The following KLHDC3 variants were observed in gnomAD, a reference collection of about 807,000 sequenced individuals.
KLHDC3 encodes the protein kelch domain-containing protein 3.
A neutral mutation model predicts 44.1 loss-of-function variants in KLHDC3; 5 were observed. The ratio of observed to expected loss-of-function variants is 0.11; its 90% confidence interval spans 0.06 to 0.24. KLHDC3 has a LOEUF of 0.24. KLHDC3 is among the 10% of genes least tolerant of loss of function. The pLI is 1.00. For missense variants in KLHDC3, 247 were observed against 514.3 expected (o/e 0.48, Z 5.03); for synonymous variants, 170 against 189.0 (o/e 0.90, Z 0.82).
At position 43,014,283 on chromosome 6, in the gene KLHDC3, G is replaced by T; in HGVS notation, c.-125G>T. The stretch of plus-strand genomic sequence containing the variant: ...GTTGGGGACTAAGGCGTCGGTTGGC[G>T]CGCAACGGGTTCTAGGCTGCAGGCA... On this transcript the variant is annotated 5_prime_UTR_variant, in exon 1 of 11. Transcript: ENST00000326974. The T allele has an allele frequency of 1.3e-6, 1 of 772,522 alleles. No individual in the cohort carries two copies. Among genetic ancestry groups the T allele is most frequent in the Non-Finnish European group, 2.0e-6 (1 of 497,490 alleles). 47.9% of individuals were successfully genotyped at this position (772,522 alleles called of 1,614,324 possible). A position where few individuals can be genotyped will look rare whatever the true frequency, so the allele number is the denominator to read the frequency against.
intron 1 of KLHDC3, chr6:43,014,651 G>C (rs767433606): frequency 2.2e-6 from 1 of 456,332 alleles, no homozygotes; most frequent in Non-Finnish European, 4.4e-6. Context: ...TGGTGGGCTA[G>C]GGGAGGCCGG....
chr6:43,019,191 T>C (rs1762640760), intron 9 of KLHDC3, 26 bp downstream of exon 9: 2 of 1,573,024 alleles, frequency 1.3e-6, no homozygotes, highest in Non-Finnish European at 1.8e-6. Flanking sequence ...CCTGAATTGC[T>C]CCTGCCATCA....
At position 43,018,571 on chromosome 6, in the gene KLHDC3, C is replaced by T. The variant is rs1228936469; in HGVS notation, c.733+15C>T. ...CCACTCGGCCTGTGAGTGTTTGTTA[C>T]TTCCCTGTGGAGTTCCCTTCCTGCC... is the stretch of plus-strand genomic sequence containing the variant. On this transcript the variant is annotated intron_variant, in intron 6 of 10. Transcript: ENST00000326974. The surrounding 1 kb of genome is among the most constrained non-coding windows in gnomAD (Gnocchi z 6.0). 14 of 1,613,488 alleles carry T rather than the reference C, an allele frequency of 8.7e-6. No homozygotes were observed. Among genetic ancestry groups the T allele is most frequent in the Non-Finnish European group, 1.2e-5 (14 of 1,179,574 alleles).
At position 43,018,309 on chromosome 6, in the gene KLHDC3, C is replaced by A; in HGVS notation, c.520-34C>A. 1 of 1,597,148 alleles carries A rather than the reference C, an allele frequency of 6.3e-7. No individual in the cohort carries two copies. Among genetic ancestry groups the A allele is most frequent in the Non-Finnish European group, 8.6e-7 (1 of 1,165,418 alleles). On this transcript the variant is annotated intron_variant, in intron 5 of 10. Coordinates refer to ENST00000326974, the MANE Select transcript of KLHDC3 (RefSeq NM_057161.4). The surrounding 1 kb of genome is among the most constrained non-coding windows in gnomAD (Gnocchi z 6.0). ...AGGAGATCCTCTTCCAGTCTTTGTG[C>A]TGACCCCTCCACCATCTCTCTGCCT...
chr6:43,017,104 G>T lies in KLHDC3; in HGVS notation c.-59-30G>T. On this transcript the variant is annotated intron_variant, in intron 1 of 10. Coordinates refer to ENST00000326974, the MANE Select transcript of KLHDC3 (RefSeq NM_057161.4). The surrounding 1 kb of genome is among the most constrained non-coding windows in gnomAD (Gnocchi z 6.0). ...AGTGAGCTGGGCAGAAGCCTCGCCT[G>T]AGGATCCCGTGGCCCCAATTTGTGT... 2 of 1,469,124 alleles carry T rather than the reference G, an allele frequency of 1.4e-6. No individual in the cohort carries two copies. The highest frequency in any genetic ancestry group is 9.3e-7 in the Non-Finnish European group (1 of 1,080,736). 91.0% of individuals were successfully genotyped at this position (1,469,124 alleles called of 1,614,324 possible).
At position 43,017,157 on chromosome 6, in the gene KLHDC3, C is replaced by T. The variant is rs529749381; in HGVS notation, c.-36C>T. The T allele has an allele frequency of 1.5e-5, 24 of 1,596,968 alleles. No homozygotes were observed. The highest frequency in any genetic ancestry group is 5.3e-5 in the African/African-American group (4 of 74,854). ...AGATAGCAGAGGCAGCAGGCCGTGC[C>T]GGGGGGGCATGTTGCTGTAACCAGT... is the stretch of plus-strand genomic sequence containing the variant. On this transcript the variant is annotated 5_prime_UTR_variant, in exon 2 of 11. Transcript: ENST00000326974. This position sits in a 1 kb window ranked among gnomAD's most constrained non-coding sequence, Gnocchi z 6.0.
intron 1 of KLHDC3, among the ~76,000 whole-genome samples, chr6:43,015,139 A>G (rs911346619): frequency 2.0e-5 from 3 of 152,202 alleles, no homozygotes; most frequent in African/African-American, 7.2e-5. Context: ...GAAGACTTCC[A>G]TTCTTAAGCC....
rs750093582 is a variant in KLHDC3 at position 43,018,680 on chromosome 6, C to G, written c.781C>G (p.Leu261Val). The G allele has an allele frequency of 6.2e-7, 1 of 1,613,968 alleles. No individual in the cohort carries two copies. Among genetic ancestry groups the G allele is most frequent in the Non-Finnish European group, 8.5e-7 (1 of 1,180,006 alleles). Residue 261 changes from leucine to valine, a missense_variant, in exon 7 of 11, where the codon CTG (leucine) becomes GTG (valine). Physicochemically the swap from Leu to Val is conservative, Grantham distance 32. Coordinates refer to ENST00000326974, the MANE Select transcript of KLHDC3 (RefSeq NM_057161.4). The surrounding 1 kb of genome is among the most constrained non-coding windows in gnomAD (Gnocchi z 6.0). ...LYIFGGYNAR[L>V]NRHFHDLWKF... ...CATCTTTGGTGGTTATAATGCAAGG[C>G]TGAACCGGCACTTCCATGACCTCTG...
At position 43,017,902 on chromosome 6, in the gene KLHDC3, C is replaced by T; in HGVS notation, c.381C>T (p.Ala127=). The change falls in exon 4 of 11, where the codon GCC becomes GCT. Residue 127 remains alanine, a synonymous_variant. Coordinates refer to ENST00000326974, the MANE Select transcript of KLHDC3 (RefSeq NM_057161.4). This position sits in a 1 kb window ranked among gnomAD's most constrained non-coding sequence, Gnocchi z 6.0. ...GAGTGTCAGGGACAGTTCCTGGGGC[C>T]CGGGATGGACATTCAGCCTGTGTCC... is the stretch of plus-strand genomic sequence containing the variant. ...TPRVSGTVPG[A]RDGHSACVLG... The T allele has an allele frequency of 6.2e-7, 1 of 1,614,022 alleles. No individual in the cohort carries two copies. Among genetic ancestry groups the T allele is most frequent in the Non-Finnish European group, 8.5e-7 (1 of 1,180,012 alleles).
At chr6:43,020,617 T>C (rs750155546) in intron 10 of KLHDC3, 50 bp from the exon 11 acceptor site, 3 of 1,468,556 alleles carry the variant, frequency 2.0e-6, no homozygotes, top group African/African-American at 2.8e-5. Flanking sequence ...ATCCCTTAGC[T>C]TGGGCTGAGG....
chr6:43,014,633 G>A (rs1160620209), intron 1 of KLHDC3: 1 of 456,596 alleles, frequency 2.2e-6, no homozygotes, highest in Non-Finnish European at 4.4e-6. Flanking sequence ...GGGGAGGGGT[G>A]TCTGGCGTGG....
intron 10 of KLHDC3, among the ~76,000 whole-genome samples, chr6:43,019,917 C>A (rs1053139955): frequency 1.4e-4 from 22 of 152,294 alleles, no homozygotes; most frequent in South Asian, 2.1e-4. Flanking sequence ...TGGCTCATAC[C>A]TGTAATCCCA....
At chr6:43,019,232 G>T in intron 9 of KLHDC3, 56 bp from the exon 10 acceptor site, 5 of 1,547,880 alleles carry the variant, frequency 3.2e-6, no homozygotes, top group Non-Finnish European at 4.5e-6. Flanking sequence ...TGATATCCAG[G>T]ACTGGATCCT....
Position 43,017,205 on chromosome 6 carries a change from A to G in KLHDC3, c.13A>G (p.Thr5Ala). Residue 5 changes from threonine to alanine, a missense_variant, in exon 2 of 11, where the codon ACA becomes GCA. By Grantham distance (58) the Thr-to-Ala change is moderately conservative. This residue lies in a region of KLHDC3 where 71 missense variants were observed against 100.8 expected (regional missense o/e 0.70). Transcript: ENST00000326974. This position sits in a 1 kb window ranked among gnomAD's most constrained non-coding sequence, Gnocchi z 6.0. The part of the protein sequence containing the change: MLRW[T>A]VHLEGGPRRV... ...AGTGGCCCAGGGGATGTTACGGTGG[A>G]CAGTGCACCTGGAGGGCGGGCCCCG... is the stretch of plus-strand genomic sequence containing the variant. 1 of 1,613,420 alleles carries G rather than the reference A, an allele frequency of 6.2e-7. No individual in the cohort carries two copies.
chr6:43,019,484 T>A, intron 10 of KLHDC3, 118 bp downstream of exon 10: 1 of 707,058 alleles, frequency 1.4e-6, no homozygotes, highest in Non-Finnish European at 2.6e-6. Context: ...GCTGGAGATG[T>A]AGTGTACTTG....
intron 1 of KLHDC3, 97 bp downstream of exon 1, chr6:43,014,445 G>GGT (rs1447156467): frequency 6.5e-5 from 36 of 551,928 alleles, no homozygotes; most frequent in African/African-American, 5.4e-4. Context: ...AGAGTGATGA[G>GGT]GTGGGGGTGG....
Position 43,018,250 on chromosome 6 carries a change from C to T in KLHDC3, c.519+34C>T. ...TTTCTTTTTTTTCCCAAATCCCCAC[C>T]CTCTGTTGAAGCAATGATAGGAAGC... is the stretch of plus-strand genomic sequence containing the variant. On this transcript the variant is annotated intron_variant, in intron 5 of 10. Coordinates refer to ENST00000326974, the MANE Select transcript of KLHDC3 (RefSeq NM_057161.4). This position sits in a 1 kb window ranked among gnomAD's most constrained non-coding sequence, Gnocchi z 6.0. 1.3e-6 allele frequency: 2 copies of T among 1,580,616 alleles called. No individual in the cohort carries two copies. The highest frequency in any genetic ancestry group is 1.7e-6 in the Non-Finnish European group (2 of 1,150,010).
At chr6:43,020,507 T>C (rs1762666132) in intron 10 of KLHDC3, among the ~76,000 whole-genome samples, 160 bp from the exon 11 acceptor site, 1 of 152,184 alleles carries the variant, frequency 6.6e-6, no homozygotes, top group Non-Finnish European at 1.5e-5. Context: ...GGGTGGGTTC[T>C]GATTGTTCAA....
chr6:43,019,088 A>T lies in KLHDC3; in HGVS notation c.930-4A>T, dbSNP rs1194019522. ...TACTTTCATCTCTCTTTTGATCCCG[A>T]CAGTCCATCTCCTGAGGAAGGCCTG... is the stretch of plus-strand genomic sequence containing the variant. On this transcript the variant is annotated splice_polypyrimidine_tract_variant and splice_region_variant and intron_variant, in intron 8 of 10. Coordinates refer to ENST00000326974, the MANE Select transcript of KLHDC3 (RefSeq NM_057161.4). The T allele has an allele frequency of 2.5e-6, 4 of 1,612,252 alleles. No homozygotes were observed. Among genetic ancestry groups the T allele is most frequent in the East Asian group, 4.5e-5 (2 of 44,864 alleles).
Sources: allele counts gnomAD v4.1 joint callset (sites outside exome capture counted in the v4.1 genomes callset), GRCh38; gene constraint gnomAD v4.1.1; regional missense constraint gnomAD v4.1.1; non-coding constraint Gnocchi (gnomAD v3.1); transcripts MANE v1.5; gene names NCBI Gene and HGNC (gene_info 2026-07-23, HGNC 2026-07-21).